The following EPS15 variants were observed in gnomAD, a reference collection of about 807,000 sequenced individuals.
EPS15 encodes the protein epidermal growth factor receptor substrate 15.
EPS15 carries 72 observed loss-of-function variants against 113.8 expected under a neutral mutation model. The ratio of observed to expected loss-of-function variants is 0.63; its 90% CI spans 0.52 to 0.77. EPS15 has a LOEUF of 0.77. Ranked by LOEUF, EPS15 falls within the 30% of genes least tolerant of loss-of-function variation. The pLI is 0.00. For missense variants in EPS15, 1,048 were observed against 1,045.8 expected (o/e 1.00, Z -0.03); for synonymous variants, 344 against 363.4 (o/e 0.95, Z 0.61).
chr1:51,371,917 T>C (rs1310997027), intron 21 of EPS15, among the ~76,000 whole-genome samples: 2 of 152,212 alleles, frequency 1.3e-5, no homozygotes, highest in African/African-American at 4.8e-5. Flanking sequence ...TATGTTTAGA[T>C]ACATAAATAC....
intron 12 of EPS15, among the ~76,000 whole-genome samples, chr1:51,439,089 T>C (rs911419579): frequency 3.3e-5 from 5 of 152,102 alleles, no homozygotes; most frequent in African/African-American, 1.2e-4. Flanking sequence ...AGATGTACTA[T>C]AGCCCTCTTG....
At chr1:51,378,388 G>A (rs112444602) in intron 21 of EPS15, among the ~76,000 whole-genome samples, 3,350 of 152,080 alleles carry the variant, frequency 0.022, 31 homozygotes, top group Middle Eastern at 0.034. Context: ...CAGGTGCAGC[G>A]GCTCACACCT....
At chr1:51,436,492 G>A (rs1360465376) in intron 12 of EPS15, among the ~76,000 whole-genome samples, 6 of 152,172 alleles carry the variant, frequency 3.9e-5, no homozygotes, top group Middle Eastern at 3.2e-3. Flanking sequence ...CAAGCAGCCC[G>A]TGTTTAAGAA....
At position 51,444,899 on chromosome 1, in the gene EPS15, C is replaced by G; in HGVS notation, c.944G>C (p.Ser315Thr). 1 of 1,613,278 alleles carries G rather than the reference C, an allele frequency of 6.2e-7. No individual in the cohort carries two copies. The highest frequency in any genetic ancestry group is 8.5e-7 in the Non-Finnish European group (1 of 1,179,658). The stretch of plus-strand genomic sequence containing the variant: ...TTTAAGCTTTCTTACCTTTTGTAAA[C>G]TGGCCCTGTCTGATGGTGGAATCAT... ...PEMIPPSDRA[S>T]LQKNIIGSSP... The change falls in exon 11 of 25, where the codon AGT (serine) becomes ACT (threonine). Residue 315 changes from serine to threonine, a missense_variant. Physicochemically the swap from Ser to Thr is moderately conservative, Grantham distance 58 (BLOSUM62 1). Coordinates refer to ENST00000371733, the MANE Select transcript of EPS15 (RefSeq NM_001981.3).
intron 21 of EPS15, among the ~76,000 whole-genome samples, chr1:51,388,377 C>T (rs1014321474): frequency 2.6e-5 from 4 of 152,036 alleles, no homozygotes; most frequent in Non-Finnish European, 5.9e-5. Flanking sequence ...AGGAAAGATC[C>T]AAAATTGACA....
At chr1:51,408,066 G>T in intron 15 of EPS15, 69 bp downstream of exon 15, 1 of 1,351,380 alleles carries the variant, frequency 7.4e-7, no homozygotes, top group Non-Finnish European at 1.1e-6. Context: ...AGCAGAAGTT[G>T]GAAAGTATAA....
At chr1:51,475,594 G>C (rs1027967489) in intron 2 of EPS15, among the ~76,000 whole-genome samples, 2 of 152,024 alleles carry the variant, frequency 1.3e-5, no homozygotes, top group Non-Finnish European at 1.5e-5. Context: ...TTGTCAGATG[G>C]GTAGATTGTA....
rs77180346 is a variant in EPS15 at position 51,462,101 on chromosome 1, C to T, written c.502-951G>A. 9.3e-3 allele frequency: 1,417 copies of T among 152,346 alleles called. 8 individuals carry two copies. Among genetic ancestry groups the T allele is most frequent in the Middle Eastern group, 0.017 (5 of 296 alleles). The allele number at this position is 152,346 out of a possible 1,614,324, so 9.4% of individuals were successfully genotyped here. A position where few individuals can be genotyped will look rare whatever the true frequency, so the allele number is the denominator to read the frequency against. ...AGGGCAGCCGGGTGCTGGTGGCTCA[C>T]GCTGTAATCTCAACACTTTGGGAGG... On this transcript the variant is annotated intron_variant, in intron 7 of 24. Transcript: ENST00000371733.
At chr1:51,359,224 T>C (rs1281658909) in intron 24 of EPS15, among the ~76,000 whole-genome samples, 4 of 151,766 alleles carry the variant, frequency 2.6e-5, no homozygotes, top group African/African-American at 9.7e-5. Context: ...GGCATGCACA[T>C]TGCAAGATCA....
chr1:51,405,417 C>T (rs1395037008), intron 16 of EPS15, among the ~76,000 whole-genome samples: 2 of 152,210 alleles, frequency 1.3e-5, no homozygotes, highest in Non-Finnish European at 2.9e-5. Context: ...AATTAGCTGG[C>T]TGGGCGTGGT....
chr1:51,429,347 C>CA lies in EPS15; in HGVS notation c.1041-7490dup, dbSNP rs531509808. Among the ~76,000 whole-genome samples the CA allele has an allele frequency of 5.3e-4, 75 of 141,140 alleles. 1 individual carries two copies. Among genetic ancestry groups the CA allele is most frequent in the East Asian group, 2.0e-3 (10 of 4,886 alleles). 92.6% of individuals were successfully genotyped at this position (141,140 alleles called of 152,430 possible). A position where few individuals can be genotyped will look rare whatever the true frequency, so the allele number is the denominator to read the frequency against. Reference sequence around the variant, plus strand: ...ACAACAAAAGAGTGAAACTCTGTCTCAAAAAAAAAAAATTACCACTTTAAA... The same window carrying CA: ...ACAACAAAAGAGTGAAACTCTGTCTCAAAAAAAAAAAAATTACCACTTTAAA... On this transcript the variant is annotated intron_variant, in intron 12 of 24. Coordinates refer to ENST00000371733, the MANE Select transcript of EPS15 (RefSeq NM_001981.3).
intron 3 of EPS15, among the ~76,000 whole-genome samples, chr1:51,471,938 G>A (rs548676608): frequency 3.6e-4 from 54 of 152,024 alleles, no homozygotes; most frequent in African/African-American, 1.2e-3. Flanking sequence ...ATGCAGCCCA[G>A]GACAGCTTTG....
intron 1 of EPS15, among the ~76,000 whole-genome samples, chr1:51,518,830 G>A (rs1328003133): frequency 1.3e-5 from 2 of 151,958 alleles, no homozygotes; most frequent in East Asian, 3.9e-4. Flanking sequence ...CCTGGGATGC[G>A]TGCGGCCCTG....
chr1:51,429,165 T>G (rs1012424440), intron 12 of EPS15, among the ~76,000 whole-genome samples: 5 of 152,192 alleles, frequency 3.3e-5, no homozygotes, highest in Admixed American at 1.3e-4. Flanking sequence ...CCACCACGCC[T>G]GGCCAGGAGC....
intron 8 of EPS15, 24 bp from the exon 9 acceptor site, chr1:51,448,159 C>A: frequency 6.7e-7 from 1 of 1,486,692 alleles, no homozygotes; most frequent in South Asian, 1.1e-5. Flanking sequence ...GAACCAGGGT[C>A]ATATATATTA....
intron 8 of EPS15, chr1:51,458,270 T>C (rs1570350107): frequency 6.5e-6 from 1 of 152,694 alleles, no homozygotes; most frequent in East Asian, 1.9e-4. Flanking sequence ...CCTACAAATG[T>C]ATTTATTATT....
chr1:51,505,221 C>T lies in EPS15; in HGVS notation c.33+13978G>A, dbSNP rs1347607956. On this transcript the variant is annotated intron_variant, in intron 1 of 24. Transcript: ENST00000371733. The stretch of plus-strand genomic sequence containing the variant: ...GTGAAAACATATATTTACACAAAAC[C>T]TTGTATATGAATGCTTATAAAAGCA... 2.0e-5 allele frequency among the ~76,000 whole-genome samples: 3 copies of T among 152,134 alleles called. No homozygotes were observed. The East Asian group carries it at 5.8e-4, about 29-fold the overall frequency.
At position 51,468,460 on chromosome 1, in the gene EPS15, A is replaced by T. The variant is rs1431202749; in HGVS notation, c.309+13T>A. Reference sequence around the variant, plus strand: ...AAAATTAAATACAATTTAAATCTAAAAGCATTTCTTACAAATCTTGGTGGA... The same window carrying T: ...AAAATTAAATACAATTTAAATCTAATAGCATTTCTTACAAATCTTGGTGGA... On this transcript the variant is annotated intron_variant, in intron 5 of 24. Transcript: ENST00000371733. 6.5e-7 allele frequency: 1 copy of T among 1,535,712 alleles called. No individual in the cohort carries two copies. The highest frequency in any genetic ancestry group is 1.4e-5 in the African/African-American group (1 of 73,510).
intron 8 of EPS15, among the ~76,000 whole-genome samples, chr1:51,448,483 A>T (rs1653256169): frequency 6.6e-6 from 1 of 152,176 alleles, no homozygotes; most frequent in Non-Finnish European, 1.5e-5. Context: ...ATTAACAGAA[A>T]AAAAAGTCCA....
Sources: allele counts gnomAD v4.1 joint callset (sites outside exome capture counted in the v4.1 genomes callset), GRCh38; gene constraint gnomAD v4.1.1; transcripts MANE v1.5; gene names NCBI Gene and HGNC (gene_info 2026-07-23, HGNC 2026-07-21).